The following IMPA1 variants were observed in gnomAD, a reference collection of about 807,000 sequenced individuals.
IMPA1 encodes the protein D-galactose 1-phosphate phosphatase.
A neutral mutation model predicts 34.9 loss-of-function variants in IMPA1; 21 were observed. The ratio of observed to expected loss-of-function variants is 0.60; its 90% confidence interval spans 0.43 to 0.87. The LOEUF (loss-of-function observed/expected upper bound fraction) is 0.87. Ranked by LOEUF, IMPA1 falls within the 40% of genes least tolerant of loss-of-function variation. IMPA1 has a pLI of 0.00. For synonymous variants in IMPA1, 95 were observed against 104.4 expected (o/e 0.91, Z 0.55); for missense variants, 299 against 336.4 (o/e 0.89, Z 0.87).
intron 7 of IMPA1, among the ~76,000 whole-genome samples, chr8:81,663,330 G>C (rs905788478): frequency 1.3e-5 from 2 of 152,198 alleles, no homozygotes; most frequent in Admixed American, 1.3e-4. Context: ...TATTGACAGA[G>C]GCTCTCTTTT....
chr8:81,679,127 T>C lies in IMPA1; in HGVS notation c.301A>G (p.Arg101Gly), dbSNP rs768992555. Reference protein sequence around the residue: ...PIDGTTNFVHRFPFVAVSIGF... With the variant: ...PIDGTTNFVHGFPFVAVSIGF... ...TATATTAGACATTTTAAAACATACCTATGTACAAAGTTAGTTGTTCCATCA... is the reference window on the plus strand; with the variant it reads ...TATATTAGACATTTTAAAACATACCCATGTACAAAGTTAGTTGTTCCATCA... The change falls in exon 4 of 9, where the codon AGA (arginine) becomes GGA (glycine). Residue 101 changes from arginine (R) to glycine (G), a missense_variant and splice_region_variant. Coordinates refer to ENST00000256108, the MANE Select transcript of IMPA1 (RefSeq NM_005536.4). 1.3e-6 allele frequency: 2 copies of C among 1,583,032 alleles called. No homozygotes were observed. Among genetic ancestry groups the C allele is most frequent in the Admixed American group, 3.3e-5 (2 of 59,972 alleles).
At chr8:81,671,124 T>C (rs1397824795) in intron 6 of IMPA1, 77 bp from the exon 7 acceptor site, 1 of 581,014 alleles carries the variant, frequency 1.7e-6, no homozygotes, top group Non-Finnish European at 2.9e-6. Context: ...AGAGGGCATT[T>C]GTATCCCTCT....
intron 8 of IMPA1, among the ~76,000 whole-genome samples, chr8:81,659,714 ATTC>A (rs772388482): frequency 2.6e-5 from 4 of 152,288 alleles, no homozygotes; most frequent in African/African-American, 4.8e-5. Flanking sequence ...ATTTTTGTGC[ATTC>A]TTATTACCTC....
At chr8:81,675,116 C>T (rs1413005205) in intron 5 of IMPA1, among the ~76,000 whole-genome samples, 1 of 152,182 alleles carries the variant, frequency 6.6e-6, no homozygotes, top group African/African-American at 2.4e-5. Flanking sequence ...CACAGCAAGG[C>T]CAAACTAACC....
chr8:81,682,062 C>CGGTTT (rs201808466), intron 1 of IMPA1, among the ~76,000 whole-genome samples: 2,978 of 152,144 alleles, frequency 0.02, 87 homozygotes, highest in African/African-American at 0.066. Flanking sequence ...CCCAAAATTA[C>CGGTTT]AGACAAATGA....
rs775215785 is a variant in IMPA1, at chr8:81,660,659, C to T, written c.575G>A (p.Ser192Asn). ...CATATTAACAGCTGCTGTTCCAACA[C>T]TCCGGATCCTAACAAATAGAATTTA... ...LFCIPVHGIR[S>N]VGTAAVNMCL... Residue 192 changes from serine (S) to asparagine (N), a missense_variant, in exon 8 of 9, where the codon AGT becomes AAT. Transcript: ENST00000256108. 7.2e-5 allele frequency: 115 copies of T among 1,602,400 alleles called. No homozygotes were observed. Among genetic ancestry groups the T allele is most frequent in the Non-Finnish European group, 8.9e-5 (105 of 1,173,828 alleles).
intron 7 of IMPA1, among the ~76,000 whole-genome samples, chr8:81,667,341 T>C (rs1003363195): frequency 6.6e-6 from 1 of 152,060 alleles, no homozygotes; most frequent in Admixed American, 6.6e-5. Flanking sequence ...TCCAAAAAGG[T>C]GTCTGCTATG....
At chr8:81,680,914 CAAATAT>C in intron 2 of IMPA1, 131 bp from the exon 3 acceptor site, 1 of 682,250 alleles carries the variant, frequency 1.5e-6, no homozygotes. Context: ...AAATGTCTTA[CAAATAT>C]ATCTATAAAA....
intron 3 of IMPA1, among the ~76,000 whole-genome samples, chr8:81,680,169 T>A (rs1272814106): frequency 6.6e-6 from 1 of 151,060 alleles, no homozygotes; most frequent in Non-Finnish European, 1.5e-5. Context: ...TCTAATACTC[T>A]CCGTCCTTCA....
chr8:81,660,511 T>C lies in IMPA1; in HGVS notation c.718+5A>G, dbSNP rs1361318712. 2 of 1,612,850 alleles carry C rather than the reference T, an allele frequency of 1.2e-6. No homozygotes were observed. Among genetic ancestry groups the C allele is most frequent in the Admixed American group, 1.7e-5 (1 of 59,956 alleles). ...GGAGATCTGCTTCACTCTCCATAAT[T>C]TTACCTGTAACATCCATTAGCACGC... On this transcript the variant is annotated splice_donor_5th_base_variant and intron_variant, in intron 8 of 8. Coordinates refer to ENST00000256108, the MANE Select transcript of IMPA1 (RefSeq NM_005536.4).
At chr8:81,685,516 T>C (rs185026428) in intron 1 of IMPA1, among the ~76,000 whole-genome samples, 3,784 of 144,768 alleles carry the variant, frequency 0.026, 155 homozygotes, top group African/African-American at 0.088. Context: ...CGTAAGTATA[T>C]TTCTGTACTA....
intron 1 of IMPA1, among the ~76,000 whole-genome samples, chr8:81,684,397 T>C (rs989742972): frequency 4.8e-5 from 7 of 145,280 alleles, no homozygotes; most frequent in African/African-American, 1.0e-4. Context: ...ATATATACCA[T>C]ACATATTTAG....
At chr8:81,676,530 A>G (rs1389321232) in intron 4 of IMPA1, among the ~76,000 whole-genome samples, 1 of 152,158 alleles carries the variant, frequency 6.6e-6, no homozygotes, top group African/African-American at 2.4e-5. Flanking sequence ...GGATGCTTCT[A>G]TAGGCATGAA....
intron 1 of IMPA1, among the ~76,000 whole-genome samples, chr8:81,684,358 C>T (rs556227646): frequency 1.1e-4 from 15 of 141,426 alleles, no homozygotes; most frequent in Non-Finnish European, 2.0e-4. Context: ...ATATACCATA[C>T]ATAAGTATAT....
intron 7 of IMPA1, 89 bp from the exon 8 acceptor site, chr8:81,660,756 A>T: frequency 1.9e-6 from 2 of 1,066,920 alleles, no homozygotes; most frequent in Non-Finnish European, 2.7e-6. Context: ...GTGTCGATTG[A>T]AGAAACTTGG....
intron 6 of IMPA1, among the ~76,000 whole-genome samples, chr8:81,673,412 A>G (rs1166136270): frequency 3.9e-5 from 6 of 152,188 alleles, no homozygotes; most frequent in African/African-American, 1.4e-4. Flanking sequence ...CTTTATGTAC[A>G]TCTTACACAT....
intron 1 of IMPA1, among the ~76,000 whole-genome samples, chr8:81,684,156 TAC>T (rs1327047648): frequency 3.2e-5 from 4 of 124,582 alleles, no homozygotes; most frequent in Non-Finnish European, 7.1e-5. Flanking sequence ...CACACACACA[TAC>T]ACACACATAC....
At chr8:81,685,083 A>AC (rs1170350728) in intron 1 of IMPA1, among the ~76,000 whole-genome samples, 1 of 136,566 alleles carries the variant, frequency 7.3e-6, no homozygotes, top group South Asian at 2.3e-4. Flanking sequence ...TATATACTAT[A>AC]AATAAGTATA....
At chr8:81,679,092 A>G (rs1273392581) in intron 4 of IMPA1, 34 bp downstream of exon 4, 1 of 1,369,740 alleles carries the variant, frequency 7.3e-7, no homozygotes, top group East Asian at 2.3e-5. Flanking sequence ...GTTAATATGC[A>G]AAGAGTAATT....
Sources: gnomAD v4.1 joint callset for allele counts (sites outside exome capture counted in the v4.1 genomes callset) on GRCh38, gnomAD v4.1.1 for gene constraint, MANE v1.5 for transcripts, NCBI Gene and HGNC (gene_info 2026-07-23, HGNC 2026-07-21) for gene names.